The following LRMDA variants were observed in gnomAD, a reference collection of about 807,000 sequenced individuals.
LRMDA encodes leucine-rich melanocyte differentiation-associated protein.
A neutral mutation model predicts 29.8 loss-of-function variants in LRMDA; 18 were observed. The ratio of observed to expected loss-of-function variants is 0.60; its 90% CI spans 0.42 to 0.90. The LOEUF is 0.90. LRMDA is among the 40% of genes least tolerant of loss of function. The probability of loss-of-function intolerance (pLI) is 0.00; values close to 1 mark genes in which losing one functional copy is unlikely to be tolerated. For missense variants in LRMDA, 273 were observed against 273.9 expected, an observed-to-expected ratio of 1.00 and a Z score of 0.02; for synonymous variants, 125 against 109.4, an observed-to-expected ratio of 1.14 and a Z score of -0.89.
intron 2 of LRMDA, among the ~76,000 whole-genome samples, chr10:75,897,528 C>T (rs538733780): frequency 2.0e-5 from 3 of 152,232 alleles, no homozygotes; most frequent in East Asian, 1.9e-4. Context: ...TTACCTCTAC[C>T]GAACCTTAGA....
intron 2 of LRMDA, among the ~76,000 whole-genome samples, chr10:75,511,507 T>G (rs1381320073): frequency 6.6e-6 from 1 of 152,178 alleles, no homozygotes; most frequent in Non-Finnish European, 1.5e-5. Flanking sequence ...GGAGTGCACC[T>G]GTGATGTTCG....
At chr10:75,911,797 C>T (rs1845847102) in intron 2 of LRMDA, among the ~76,000 whole-genome samples, 1 of 152,228 alleles carries the variant, frequency 6.6e-6, no homozygotes, top group African/African-American at 2.4e-5. Context: ...TTTGTGAGCA[C>T]TTCCTGAGTG....
intron 6 of LRMDA, among the ~76,000 whole-genome samples, chr10:76,330,411 C>A (rs754167909): frequency 6.6e-6 from 1 of 152,198 alleles, no homozygotes; most frequent in Non-Finnish European, 1.5e-5. Context: ...CCTGTCTGTT[C>A]AGATTCTTCT....
chr10:76,246,506 A>T (rs1852380295), intron 5 of LRMDA, among the ~76,000 whole-genome samples: 1 of 151,788 alleles, frequency 6.6e-6, no homozygotes, highest in African/African-American at 2.4e-5. Flanking sequence ...TTTTTGGAGC[A>T]TGTCTTCCCT....
chr10:76,376,154 C>A (rs1276947534), intron 6 of LRMDA, among the ~76,000 whole-genome samples: 1 of 152,024 alleles, frequency 6.6e-6, no homozygotes, highest in African/African-American at 2.4e-5. Flanking sequence ...CTCAGCCACC[C>A]CTCCACCTTT....
intron 6 of LRMDA, among the ~76,000 whole-genome samples, chr10:76,426,872 T>C (rs1180483260): frequency 6.6e-6 from 1 of 152,244 alleles, no homozygotes; most frequent in African/African-American, 2.4e-5. Flanking sequence ...CCTTTCCCCA[T>C]TTCTTGTTTT....
intron 5 of LRMDA, among the ~76,000 whole-genome samples, chr10:76,083,628 A>G (rs1047352856): frequency 3.3e-5 from 5 of 152,180 alleles, no homozygotes; most frequent in Non-Finnish European, 7.4e-5. Flanking sequence ...CAGGAGTTCG[A>G]GACCAGCCTG....
intron 2 of LRMDA, among the ~76,000 whole-genome samples, chr10:75,459,213 C>T (rs550457815): frequency 6.6e-6 from 1 of 152,234 alleles, no homozygotes; most frequent in South Asian, 2.1e-4. Context: ...GGCTGAGGCT[C>T]ACTTGAGGCC....
chr10:75,619,508 C>G (rs1253996438), intron 2 of LRMDA, among the ~76,000 whole-genome samples: 1 of 152,182 alleles, frequency 6.6e-6, no homozygotes, highest in East Asian at 1.9e-4. Flanking sequence ...GATACATGCT[C>G]TAGGGTGAAG....
intron 2 of LRMDA, among the ~76,000 whole-genome samples, chr10:75,524,114 T>G (rs1845389664): frequency 6.6e-6 from 1 of 152,164 alleles, no homozygotes; most frequent in South Asian, 2.1e-4. Flanking sequence ...CAAATGTAAA[T>G]TATTATTAAT....
At chr10:75,548,199 G>T (rs1371167151) in intron 2 of LRMDA, among the ~76,000 whole-genome samples, 2 of 152,100 alleles carry the variant, frequency 1.3e-5, no homozygotes, top group Admixed American at 1.3e-4. Flanking sequence ...TTTGGGTTTG[G>T]TAGCAATGTT....
chr10:76,029,855 G>A (rs1176937251), intron 2 of LRMDA, among the ~76,000 whole-genome samples: 1 of 152,040 alleles, frequency 6.6e-6, no homozygotes, highest in Non-Finnish European at 1.5e-5. Context: ...TAGAGCTTTG[G>A]GGTTGACTTT....
chr10:76,510,695 C>T, intron 6 of LRMDA, among the ~76,000 whole-genome samples: 1 of 152,186 alleles, frequency 6.6e-6, no homozygotes, highest in Non-Finnish European at 1.5e-5. Context: ...TGAAATTCTA[C>T]TGCACAAATA....
intron 6 of LRMDA, among the ~76,000 whole-genome samples, chr10:76,362,915 G>A (rs1406077903): frequency 2.0e-5 from 3 of 151,270 alleles, no homozygotes; most frequent in African/African-American, 7.3e-5. Flanking sequence ...TGACTTATCT[G>A]ATTTTCTATT....
At chr10:76,518,768 A>G (rs887749230) in intron 6 of LRMDA, among the ~76,000 whole-genome samples, 3 of 152,192 alleles carry the variant, frequency 2.0e-5, no homozygotes, top group African/African-American at 7.2e-5. Flanking sequence ...ATTTCTTTCA[A>G]TTGTGATAGC....
intron 2 of LRMDA, among the ~76,000 whole-genome samples, chr10:75,802,333 GCGCACACACACACACA>G (rs1843764577): frequency 9.2e-6 from 1 of 108,582 alleles, no homozygotes; most frequent in African/African-American, 3.4e-5. Flanking sequence ...ACACACACAC[GCGCACACACACACACA>G]CACACACACA....
intron 2 of LRMDA, among the ~76,000 whole-genome samples, chr10:75,532,881 GTT>G (rs989921158): frequency 4.6e-5 from 7 of 152,106 alleles, no homozygotes; most frequent in African/African-American, 1.7e-4. Flanking sequence ...CTACTGGTTT[GTT>G]TTGTATGAAG....
chr10:76,205,688 G>A (rs980457644), intron 5 of LRMDA, among the ~76,000 whole-genome samples: 2 of 152,118 alleles, frequency 1.3e-5, no homozygotes, highest in African/African-American at 2.4e-5. Flanking sequence ...GGGGTGAAGG[G>A]GAGGAGGTTG....
At chr10:76,276,306 AT>A (rs112066155) in intron 5 of LRMDA, among the ~76,000 whole-genome samples, 9,894 of 147,090 alleles carry the variant, frequency 0.067, 823 homozygotes, top group African/African-American at 0.2. Flanking sequence ...TGTCCAGCTA[AT>A]TTTTTTTTTT....
Sources: gnomAD v4.1 joint callset for allele counts (sites outside exome capture counted in the v4.1 genomes callset) on GRCh38, gnomAD v4.1.1 for gene constraint, MANE v1.5 for transcripts, NCBI Gene and HGNC (gene_info 2026-07-23, HGNC 2026-07-21) for gene names.